Variants in TMEM108 observed in about 807,000 individuals in gnomAD.
TMEM108 encodes cancer/testis antigen 124.
A neutral mutation model predicts 35.1 loss-of-function variants in TMEM108; 12 were observed. The ratio of observed to expected loss-of-function variants is 0.34; its 90% confidence interval spans 0.22 to 0.55. TMEM108 has a LOEUF of 0.55. TMEM108 is among the 20% of genes least tolerant of loss of function. TMEM108 has a pLI of 0.89. For synonymous variants in TMEM108, 287 were observed against 308.6 expected (o/e 0.93, Z 0.73); for missense variants, 680 against 753.3 (o/e 0.90, Z 1.14).
intron 3 of TMEM108, among the ~76,000 whole-genome samples, chr3:133,305,543 A>C (rs149171616): frequency 0.017 from 2,575 of 152,044 alleles, 78 homozygotes; most frequent in African/African-American, 0.057. Context: ...AATAAAAGAA[A>C]GATGCCTATG....
At chr3:133,062,974 A>T (rs76828984) in intron 2 of TMEM108, among the ~76,000 whole-genome samples, 4,186 of 152,250 alleles carry the variant, frequency 0.027, 100 homozygotes, top group South Asian at 0.061. Context: ...TGTGGAATTT[A>T]AATTGGCTAA....
intron 2 of TMEM108, among the ~76,000 whole-genome samples, chr3:133,221,660 C>CTTTTTTTTTTT (rs3078806): frequency 1.2e-3 from 73 of 60,354 alleles, no homozygotes; most frequent in Non-Finnish European, 1.5e-3. Context: ...ACATTGATTC[C>CTTTTTTTTTTT]TTTTTTTTTT....
At chr3:133,349,102 C>T (rs984647131) in intron 3 of TMEM108, among the ~76,000 whole-genome samples, 8 of 152,044 alleles carry the variant, frequency 5.3e-5, no homozygotes, top group African/African-American at 1.9e-4. Context: ...AGAAAATATA[C>T]AGGTGAGCAA....
At chr3:133,202,288 T>G (rs1945680996) in intron 2 of TMEM108, among the ~76,000 whole-genome samples, 1 of 152,238 alleles carries the variant, frequency 6.6e-6, no homozygotes, top group Non-Finnish European at 1.5e-5. Context: ...GCAGAAGATC[T>G]TTAGTTTAAT....
At chr3:133,197,016 A>C (rs1945588266) in intron 2 of TMEM108, among the ~76,000 whole-genome samples, 1 of 152,222 alleles carries the variant, frequency 6.6e-6, no homozygotes, top group Admixed American at 6.5e-5. Context: ...ACTATTAGTA[A>C]AACGATGTAT....
chr3:133,304,258 C>G (rs544767644), intron 3 of TMEM108, among the ~76,000 whole-genome samples: 2 of 152,142 alleles, frequency 1.3e-5, no homozygotes, highest in Non-Finnish European at 2.9e-5. Context: ...TCTGATTCAG[C>G]CATGATCATA....
intron 2 of TMEM108, among the ~76,000 whole-genome samples, chr3:133,187,133 A>G (rs1945432457): frequency 6.6e-6 from 1 of 152,258 alleles, no homozygotes; most frequent in African/African-American, 2.4e-5. Flanking sequence ...ATATGCAGAT[A>G]ACGTAGACTA....
At chr3:133,217,897 T>C (rs898348387) in intron 2 of TMEM108, among the ~76,000 whole-genome samples, 2 of 152,076 alleles carry the variant, frequency 1.3e-5, no homozygotes, top group African/African-American at 4.8e-5. Context: ...TTACTTTGGC[T>C]ATTTGGAGTC....
At chr3:133,181,008 TAAAAAAAAA>T (rs369228472) in intron 2 of TMEM108, among the ~76,000 whole-genome samples, 1,170 of 75,878 alleles carry the variant, frequency 0.015, 40 homozygotes, top group Middle Eastern at 0.069. Flanking sequence ...GCAGTTGTGT[TAAAAAAAAA>T]AAAAAAAAAA....
rs187305309 is a variant in TMEM108 at position 133,360,356 on chromosome 3, A to G, written c.41-19396A>G. Among the ~76,000 whole-genome samples the G allele has an allele frequency of 7.9e-5, 12 of 152,314 alleles. No individual in the cohort carries two copies. The East Asian group carries it at 1.7e-3, about 22-fold the overall frequency. ...TTTTATTGTATGTAAATCATACCTC[A>G]ATAAAGTTAATTTTAAAAAGAAAAG... On this transcript the variant is annotated intron_variant, in intron 3 of 5. Coordinates refer to ENST00000321871, the MANE Select transcript of TMEM108 (RefSeq NM_023943.4).
chr3:133,138,866 A>T (rs1944601594), intron 2 of TMEM108, among the ~76,000 whole-genome samples: 2 of 151,960 alleles, frequency 1.3e-5, no homozygotes, highest in Non-Finnish European at 2.9e-5. Context: ...GGCACCCATC[A>T]ACCCGTGTTC....
intron 2 of TMEM108, among the ~76,000 whole-genome samples, chr3:133,114,088 TACA>T (rs1944258083): frequency 1.3e-5 from 2 of 152,170 alleles, no homozygotes; most frequent in African/African-American, 4.8e-5. Flanking sequence ...CCTGGCTGTT[TACA>T]ACAAGTGAAA....
intron 3 of TMEM108, among the ~76,000 whole-genome samples, chr3:133,292,466 G>A (rs1947084515): frequency 6.6e-6 from 1 of 152,124 alleles, no homozygotes; most frequent in African/African-American, 2.4e-5. Context: ...ACCATTGTCT[G>A]CCTCTTGCTT....
intron 3 of TMEM108, among the ~76,000 whole-genome samples, chr3:133,245,738 CATTA>C: frequency 6.6e-6 from 1 of 152,110 alleles, no homozygotes; most frequent in Admixed American, 6.5e-5. Flanking sequence ...GATGAGACTT[CATTA>C]GAGAGAATGA....
intron 3 of TMEM108, among the ~76,000 whole-genome samples, chr3:133,243,821 G>C (rs1490818194): frequency 6.6e-6 from 1 of 152,102 alleles, no homozygotes; most frequent in Non-Finnish European, 1.5e-5. Context: ...ACCGCGCCCG[G>C]CCTCATGTCT....
At chr3:133,247,342 C>A (rs1256910272) in intron 3 of TMEM108, 1 of 152,122 alleles carries the variant, frequency 6.6e-6, no homozygotes, top group Non-Finnish European at 1.5e-5. Flanking sequence ...TGCCTTCAAT[C>A]CAGTGTTTAT....
intron 3 of TMEM108, among the ~76,000 whole-genome samples, chr3:133,288,996 A>G (rs1947024611): frequency 6.6e-6 from 1 of 152,194 alleles, no homozygotes; most frequent in East Asian, 1.9e-4. Flanking sequence ...TCGGCCTCCC[A>G]AAGTGCTGGG....
rs112160792 is a variant in TMEM108, at chr3:133,291,785, A to G, written c.40+62434A>G. On this transcript the variant is annotated intron_variant, in intron 3 of 5. Transcript: ENST00000321871. ...TGCAGAAGGCAGGGTTCCTCAAGGTACCTGGAGCCGTTTCAACTCCTTTCC... is the reference window on the plus strand; with the variant it reads ...TGCAGAAGGCAGGGTTCCTCAAGGTGCCTGGAGCCGTTTCAACTCCTTTCC... Among the ~76,000 whole-genome samples, 1,507 of 152,286 alleles carry G rather than the reference A, an allele frequency of 9.9e-3. 24 individuals carry two copies. Among genetic ancestry groups the G allele is most frequent in the African/African-American group, 0.034 (1,395 of 41,540 alleles).
intron 3 of TMEM108, among the ~76,000 whole-genome samples, chr3:133,359,552 T>C (rs929256014): frequency 6.6e-6 from 1 of 152,144 alleles, no homozygotes; most frequent in Non-Finnish European, 1.5e-5. Flanking sequence ...TGTGACGTTT[T>C]AATTGTGTCT....
Sources: allele counts gnomAD v4.1 joint callset (sites outside exome capture counted in the v4.1 genomes callset), GRCh38; gene constraint gnomAD v4.1.1; transcripts MANE v1.5; gene names NCBI Gene and HGNC (gene_info 2026-07-23, HGNC 2026-07-21).